STRA6: variants seen among roughly 807,000 people sequenced by gnomAD.
STRA6 encodes the protein signaling receptor and transporter of retinol STRA6.
STRA6 carries 48 observed loss-of-function variants against 83.6 expected under a neutral mutation model. The observed-to-expected ratio is 0.57, with a 90% CI of 0.46 to 0.73. The LOEUF is 0.73. Among genes scored for constraint, STRA6 ranks in the 30% least tolerant of loss-of-function variants. The pLI, the probability that STRA6 is intolerant of heterozygous loss-of-function variation, is 0.00. For synonymous variants in STRA6, 353 were observed against 362.3 expected (o/e 0.97, Z 0.29); for missense variants, 760 against 838.8 (o/e 0.91, Z 1.16).
rs2073393586 is a variant in STRA6 at position 74,188,988 on chromosome 15, G to A, written c.1090+127C>T. ...CACAATTTGGAGATGAGGCAATCGA[G>A]ACCCAGAGAGAGGAAGGAATGTGTC... On this transcript the variant is annotated intron_variant, in intron 12 of 18. Coordinates refer to ENST00000395105, the MANE Select transcript of STRA6 (RefSeq NM_022369.4). This position sits in a 1 kb window ranked among gnomAD's most constrained non-coding sequence, Gnocchi z 4.5. 2 of 1,178,094 alleles carry A rather than the reference G, an allele frequency of 1.7e-6. No individual in the cohort carries two copies. The highest frequency in any genetic ancestry group is 4.2e-5 in the Admixed American group (2 of 47,538). The allele number at this position is 1,178,094 out of a possible 1,614,324, so 73.0% of individuals were successfully genotyped here.
At chr15:74,196,263 G>T in intron 4 of STRA6, 116 bp from the exon 5 acceptor site, 1 of 1,438,650 alleles carries the variant, frequency 7.0e-7, no homozygotes, top group Non-Finnish European at 9.5e-7. Flanking sequence ...TTCTAGATGG[G>T]GGAATAAGGC....
chr15:74,180,612 T>C (rs2072927678), intron 18 of STRA6, among the ~76,000 whole-genome samples, 170 bp downstream of exon 18: 2 of 152,028 alleles, frequency 1.3e-5, no homozygotes, highest in Non-Finnish European at 2.9e-5. Context: ...GTTCATATCA[T>C]GGAAAAAATC....
upstream of STRA6, among the ~76,000 whole-genome samples, chr15:74,210,552 T>C (rs1289821948): frequency 6.6e-6 from 1 of 152,226 alleles, no homozygotes; most frequent in Non-Finnish European, 1.5e-5. Context: ...TTCACAGTGG[T>C]CACACTTGGG....
rs1451179181 is a variant in STRA6, at chr15:74,190,857, C to T, written c.910G>A (p.Gly304Arg). Residue 304 changes from glycine (G) to arginine (R), a missense_variant, in exon 11 of 19, where the codon GGG becomes AGG. Coordinates refer to ENST00000395105, the MANE Select transcript of STRA6 (RefSeq NM_022369.4). ...LKLVLSATLT[G>R]TAIYQVALLL... is the part of the protein sequence containing the mutation. ...GGACATACCTGGTAAATGGCCGTCC[C>T]TGTCAGTGTAGCTGAAAGCACCAGC... 1.5e-5 allele frequency: 25 copies of T among 1,613,980 alleles called. No homozygotes were observed. Among genetic ancestry groups the T allele is most frequent in the Non-Finnish European group, 2.0e-5 (24 of 1,180,024 alleles).
In STRA6 at chr15:74,189,250, C is replaced by A. The variant is rs750578341; in HGVS notation, c.955G>T (p.Val319Leu). The A allele has an allele frequency of 6.2e-7, 1 of 1,604,316 alleles. No individual in the cohort carries two copies. Among genetic ancestry groups the A allele is most frequent in the Non-Finnish European group, 8.5e-7 (1 of 1,175,754 alleles). Reference protein sequence around the residue: ...QVALLLLVGVVPTIQKVRAGV... With the variant: ...QVALLLLVGVLPTIQKVRAGV... ...GCCCTCACCTTCTGGATAGTGGGTA[C>A]CACGCCCACCAGCAGCAGCAGGGCC... The change falls in exon 12 of 19, where the codon GTA becomes TTA. Residue 319 changes from valine to leucine, a missense_variant. By Grantham distance (32) the Val-to-Leu change is conservative. Transcript: ENST00000395105.
chr15:74,191,280 G>A, intron 9 of STRA6, 37 bp from the exon 10 acceptor site: 2 of 1,612,340 alleles, frequency 1.2e-6, no homozygotes, highest in Non-Finnish European at 1.7e-6. Context: ...GGTCCTCAGG[G>A]GAAGCCCATT....
upstream of STRA6, among the ~76,000 whole-genome samples, chr15:74,207,401 C>T (rs1457206133): frequency 1.3e-5 from 2 of 152,170 alleles, no homozygotes; most frequent in African/African-American, 4.8e-5. Flanking sequence ...CCCAGACCTT[C>T]AGTAACACAT....
In STRA6 at chr15:74,189,081, A is replaced by G. The variant is rs758450993; in HGVS notation, c.1090+34T>C. On this transcript the variant is annotated intron_variant, in intron 12 of 18. Coordinates refer to ENST00000395105, the MANE Select transcript of STRA6 (RefSeq NM_022369.4). ...TTGGGTCTCCCCGCTTTCATTCCCC[A>G]CTGCAGCCCTCAGGGGCTCCCTGGA... is the stretch of plus-strand genomic sequence containing the variant. 4 of 1,612,896 alleles carry G rather than the reference A, an allele frequency of 2.5e-6. No individual in the cohort carries two copies. The Admixed American group carries it at 6.7e-5, about 27-fold the overall frequency.
chr15:74,197,065 T>C (rs2073853079), intron 4 of STRA6, among the ~76,000 whole-genome samples: 1 of 152,156 alleles, frequency 6.6e-6, no homozygotes, highest in African/African-American at 2.4e-5. Context: ...GAAGGTACAC[T>C]CTGACGCTGG....
Position 74,182,316 on chromosome 15 carries a change from G to A in STRA6, c.1418+27C>T, listed in dbSNP as rs1283510596. The A allele has an allele frequency of 1.9e-6, 3 of 1,613,890 alleles. No homozygotes were observed. The East Asian group carries it at 6.7e-5, about 36-fold the overall frequency. ...GTTAGCGGACCTCTAAGGAGTCCCT[G>A]AGCCCTCCATGTCTTGTTTCACTCA... On this transcript the variant is annotated intron_variant, in intron 15 of 18. Transcript: ENST00000395105.
In STRA6 at chr15:74,181,825, G is replaced by A. The variant is rs115382835; in HGVS notation, c.1520+336C>T. ...CCCTGGGAGCCAAGGTTCTCCCACA[G>A]ACTTGTCATCTGACAGGGAACTCCC... On this transcript the variant is annotated intron_variant, in intron 16 of 18. Transcript: ENST00000395105. 4.3e-3 allele frequency among the ~76,000 whole-genome samples: 657 copies of A among 152,272 alleles called. 4 individuals are homozygous for A. Among genetic ancestry groups the A allele is most frequent in the African/African-American group, 0.014 (574 of 41,538 alleles).
intron 2 of STRA6, among the ~76,000 whole-genome samples, chr15:74,200,516 GC>G (rs1467709807): frequency 6.6e-6 from 1 of 152,174 alleles, no homozygotes; most frequent in African/African-American, 2.4e-5. Context: ...CCCAACTCCA[GC>G]CTGAGAGTGC....
At chr15:74,194,024 G>A (rs1232609071) in intron 7 of STRA6, 102 bp from the exon 8 acceptor site, 9 of 1,562,158 alleles carry the variant, frequency 5.8e-6, no homozygotes, top group Non-Finnish European at 7.9e-6. Flanking sequence ...CCTGAGGGTG[G>A]TCTGGGGGGC....
At chr15:74,208,393 C>T (rs1037151569) in intron 1 of STRA6, among the ~76,000 whole-genome samples, 1 of 152,120 alleles carries the variant, frequency 6.6e-6, no homozygotes, top group Non-Finnish European at 1.5e-5. Context: ...GGCTGGCCAC[C>T]GTGGTGTGGC....
At chr15:74,195,159 C>A in intron 7 of STRA6, 143 bp downstream of exon 7, 1 of 1,521,084 alleles carries the variant, frequency 6.6e-7, no homozygotes, top group Non-Finnish European at 8.8e-7. Context: ...GGAAGGGGCA[C>A]ATGTTTGAAG....
intron 1 of STRA6, chr15:74,208,051 A>C: frequency 7.6e-7 from 1 of 1,312,238 alleles, no homozygotes; most frequent in Non-Finnish European, 9.8e-7. Context: ...CATCATCATA[A>C]CATAAAGGAT....
chr15:74,210,834 C>G (rs2074356213), upstream of STRA6, among the ~76,000 whole-genome samples: 1 of 152,030 alleles, frequency 6.6e-6, no homozygotes, highest in Non-Finnish European at 1.5e-5. Context: ...GTTGTGTTCT[C>G]AAAAAGAGAG....
chr15:74,199,142 G>A (rs925378320), intron 2 of STRA6, among the ~76,000 whole-genome samples: 1 of 152,216 alleles, frequency 6.6e-6, no homozygotes, highest in Admixed American at 6.5e-5. Context: ...CCTGCACAGA[G>A]GGCTTAGCCG....
chr15:74,186,910 C>G (rs1372854110), intron 12 of STRA6, among the ~76,000 whole-genome samples: 2 of 152,222 alleles, frequency 1.3e-5, no homozygotes, highest in East Asian at 1.9e-4. Context: ...CAGATTCAGC[C>G]AGGGCTAAAA....
Sources: gnomAD v4.1 joint callset for allele counts (sites outside exome capture counted in the v4.1 genomes callset) on GRCh38, gnomAD v4.1.1 for gene constraint, Gnocchi (gnomAD v3.1) non-coding constraint, MANE v1.5 for transcripts, NCBI Gene and HGNC (gene_info 2026-07-23, HGNC 2026-07-21) for gene names.